TTN: variants seen among roughly 807,000 people sequenced by gnomAD.
The protein encoded by TTN is titin.
In TTN, 1,525 loss-of-function variants were observed where a neutral mutation model predicts 3,223.0. The observed-to-expected ratio is 0.47, with a 90% confidence interval of 0.45 to 0.49. The LOEUF (loss-of-function observed/expected upper bound fraction) is 0.49, where lower values mean the gene tolerates loss of function less well. Ranked by LOEUF, TTN falls within the 20% of genes least tolerant of loss-of-function variation. The pLI is 0.00. For missense variants in TTN, 40,786 were observed against 43,424.0 expected (o/e 0.94, Z 5.40); for synonymous variants, 14,094 against 15,161.0 (o/e 0.93, Z 5.17).
At chr2:178,678,026 A>G in intron 145 of TTN, 99 bp downstream of exon 145, 1 of 1,554,392 alleles carries the variant, frequency 6.4e-7, no homozygotes, top group Non-Finnish European at 8.7e-7. Context: ...AGCATCAATT[A>G]TTATCAACAT....
intron 336 of TTN, 181 bp from the exon 337 acceptor site, chr2:178,550,454 TG>T (rs1157908612): frequency 7.1e-6 from 4 of 567,276 alleles, no homozygotes; most frequent in African/African-American, 5.6e-5. Flanking sequence ...GTTAAATATT[TG>T]CCTATTATTA....
intron 46 of TTN, among the ~76,000 whole-genome samples, chr2:178,754,714 G>T (rs2086468222): frequency 1.3e-5 from 2 of 152,314 alleles, no homozygotes; most frequent in South Asian, 4.1e-4. Context: ...TAGTGAAATT[G>T]AGGGTCAACT....
At position 178,584,562 on chromosome 2, in the gene TTN, T is replaced by G. The variant is rs910020189; in HGVS notation, c.64989A>C (p.Pro21663=). The G allele has an allele frequency of 1.9e-6, 3 of 1,612,270 alleles. No homozygotes were observed. In the Admixed American group the frequency reaches 5.0e-5, roughly 27 times the overall value. The change falls in exon 311 of 363, where the codon CCA becomes CCC. Residue 21663 remains proline, a synonymous_variant. Coordinates refer to ENST00000589042, the MANE Select transcript of TTN (RefSeq NM_001267550.2). ...AQFPFGVPSE[P]KNARVTKVNK... is the part of the protein sequence containing the mutation. Reference sequence around the variant, plus strand: ...TGACTTTGGTGACTCGTGCATTCTTTGGTTCACTAGGAACACCTGGAGATG... The same window carrying G: ...TGACTTTGGTGACTCGTGCATTCTTGGGTTCACTAGGAACACCTGGAGATG...
chr2:178,635,101 A>C (rs2060269765), intron 228 of TTN, 64 bp downstream of exon 228: 3 of 1,589,274 alleles, frequency 1.9e-6, no homozygotes, highest in Non-Finnish European at 2.6e-6. Flanking sequence ...TCTAGGATAT[A>C]GATCCTGAAT....
chr2:178,584,770 A>G lies in TTN; in HGVS notation c.64871T>C (p.Leu21624Pro), dbSNP rs2048563467. 1 of 1,613,402 alleles carries G rather than the reference A, an allele frequency of 6.2e-7. No individual in the cohort carries two copies. Among genetic ancestry groups the G allele is most frequent in the African/African-American group, 1.3e-5 (1 of 74,898 alleles). ...VTKTSCRVGK[L>P]IPGQEYIFRV... The stretch of plus-strand genomic sequence containing the variant: ...GAAGATGTACTCCTGGCCTGGGATC[A>G]GCTTTCCAACCCTGCAGGAAGTTTT... The change falls in exon 310 of 363, where the codon CTG (leucine) becomes CCG (proline). Residue 21624 changes from leucine (L) to proline (P), a missense_variant. Transcript: ENST00000589042.
intron 238 of TTN, 55 bp downstream of exon 238, chr2:178,630,749 C>T: frequency 1.3e-6 from 2 of 1,564,446 alleles, no homozygotes; most frequent in Non-Finnish European, 1.7e-6. Context: ...TTCACCTGTT[C>T]TTTTCTAATT....
intron 157 of TTN, 132 bp downstream of exon 157, chr2:178,670,086 G>T: frequency 1.8e-6 from 1 of 569,908 alleles, no homozygotes; most frequent in Non-Finnish European, 2.9e-6. Flanking sequence ...GCAGGATTAT[G>T]TTATAGAACA....
intron 13 of TTN, 93 bp downstream of exon 13, chr2:178,789,265 CTT>C: frequency 9.9e-6 from 15 of 1,522,224 alleles, no homozygotes; most frequent in East Asian, 2.3e-5. Context: ...AATTCAGAGA[CTT>C]GATATTAATG....
chr2:178,546,249 G>A lies in TTN; in HGVS notation c.95082C>T (p.Ser31694=), dbSNP rs776679937. 1.8e-5 allele frequency: 29 copies of A among 1,613,010 alleles called. No homozygotes were observed. The African/African-American group carries it at 3.1e-4, about 17-fold the overall frequency. The change falls in exon 342 of 363, where the codon AGC becomes AGT. Residue 31694 remains serine (S), a synonymous_variant. Coordinates refer to ENST00000589042, the MANE Select transcript of TTN (RefSeq NM_001267550.2). The stretch of plus-strand genomic sequence containing the variant: ...CCATGACAGACACGGCCTTGGTCCC[G>A]CTGGCATTTTTCACTGTTAAAGTGT... ...GKYTLTVKNA[S]GTKAVSVMVK... is the part of the protein sequence containing the mutation.
At chr2:178,730,041 C>CCCCCCCCACA in intron 62 of TTN, 52 bp downstream of exon 62, 1 of 1,597,126 alleles carries the variant, frequency 6.3e-7, no homozygotes, top group Non-Finnish European at 8.5e-7. Context: ...CGGCCCACCC[C>CCCCCCCCACA]AGGCAAGAAA....
rs559285255 is a variant in TTN, at chr2:178,680,436, A to G, written c.33341-105T>C. ...AGATAGAATAATGTATCTTCCTTTA[A>G]TGAGATACATATGCGATTGTTCATC... On this transcript the variant is annotated intron_variant, in intron 138 of 362. Coordinates refer to ENST00000589042, the MANE Select transcript of TTN (RefSeq NM_001267550.2). 35 of 887,928 alleles carry G rather than the reference A, an allele frequency of 3.9e-5. 1 individual carries two copies. The African/African-American group carries it at 4.4e-4, about 11-fold the overall frequency. The allele number at this position is 887,928 out of a possible 1,614,324, so 55.0% of individuals were successfully genotyped here. A position where few individuals can be genotyped will look rare whatever the true frequency, so the allele number is the denominator to read the frequency against.
rs1057355445 is a variant in TTN at position 178,790,982 on chromosome 2, A to G, written c.1663-137T>C. 6.4e-6 allele frequency: 7 copies of G among 1,087,504 alleles called. No homozygotes were observed. The East Asian group carries it at 1.8e-4, about 28-fold the overall frequency. 67.4% of individuals were successfully genotyped at this position (1,087,504 alleles called of 1,614,324 possible). On this transcript the variant is annotated intron_variant, in intron 10 of 362. Transcript: ENST00000589042. ...TGTCAGATTTCCATTTCAGGGGCCT[A>G]CACTTGTGCTTAATACATAGACTGC...
At chr2:178,541,223 G>A in intron 350 of TTN, 59 bp downstream of exon 350, 1 of 1,412,698 alleles carries the variant, frequency 7.1e-7, no homozygotes, top group Non-Finnish European at 9.3e-7. Context: ...TCAAAAAGGT[G>A]AATTTTCCCA....
chr2:178,800,018 A>G (rs1561508010), intron 4 of TTN, 108 bp from the exon 5 acceptor site: 4 of 1,211,968 alleles, frequency 3.3e-6, no homozygotes, highest in African/African-American at 1.5e-5. Flanking sequence ...GGATATCCCA[A>G]TGGAGAAAAT....
At chr2:178,623,467 C>T (rs12693162) in intron 242 of TTN, among the ~76,000 whole-genome samples, 54,354 of 151,692 alleles carry the variant, frequency 0.36, 11,672 homozygotes, top group East Asian at 0.71. Flanking sequence ...TCAGAGCTCC[C>T]TGTGAGTCCT....
chr2:178,761,631 G>A (rs535883523), intron 43 of TTN, among the ~76,000 whole-genome samples: 2 of 152,250 alleles, frequency 1.3e-5, no homozygotes, highest in Admixed American at 1.3e-4. Flanking sequence ...AGAATGATGA[G>A]TACGTGGGCC....
chr2:178,774,799 A>C, intron 29 of TTN, 122 bp downstream of exon 29: 1 of 1,159,002 alleles, frequency 8.6e-7, no homozygotes, highest in African/African-American at 1.5e-5. Context: ...TCTGGCTATG[A>C]AACTTATAGT....
Position 178,546,124 on chromosome 2 carries a change from AG to A in TTN, c.95120-9del. The A allele has an allele frequency of 6.3e-7, 1 of 1,596,050 alleles. No individual in the cohort carries two copies. Among genetic ancestry groups the A allele is most frequent in the East Asian group, 2.2e-5 (1 of 44,728 alleles). ...CACATGGGCCAGGGGAATCTGAAACAGGTGTAATGACAAGCCATGATGAAGA... is the reference window on the plus strand; with the variant it reads ...CACATGGGCCAGGGGAATCTGAAACAGTGTAATGACAAGCCATGATGAAGA... On this transcript the variant is annotated splice_polypyrimidine_tract_variant and intron_variant, in intron 342 of 362. Coordinates refer to ENST00000589042, the MANE Select transcript of TTN (RefSeq NM_001267550.2).
chr2:178,550,480 C>G, intron 336 of TTN: 1 of 526,804 alleles, frequency 1.9e-6, no homozygotes, highest in Non-Finnish European at 3.3e-6. Context: ...CTTTGTAATG[C>G]CTGTCATGTT....
Sources: gnomAD v4.1 joint callset for allele counts (sites outside exome capture counted in the v4.1 genomes callset) on GRCh38, gnomAD v4.1.1 for gene constraint, MANE v1.5 for transcripts, NCBI Gene and HGNC (gene_info 2026-07-23, HGNC 2026-07-21) for gene names.